The following KMT2C variants were observed in gnomAD, a reference collection of about 807,000 sequenced individuals.
KMT2C encodes histone-lysine N-methyltransferase 2C.
A neutral mutation model predicts 507.9 loss-of-function variants in KMT2C; 88 were observed. The observed-to-expected ratio is 0.17, with a 90% confidence interval of 0.15 to 0.21. The LOEUF is 0.21. Among genes scored for constraint, KMT2C ranks in the 10% least tolerant of loss-of-function variants. The pLI is 1.00. For synonymous variants in KMT2C, 2,049 were observed against 2,080.8 expected, an observed-to-expected ratio of 0.98 and a Z score of 0.42; for missense variants, 4,954 against 5,957.8, an observed-to-expected ratio of 0.83 and a Z score of 5.55.
At chr7:152,173,502 C>T (rs1563241379) in intron 39 of KMT2C, among the ~76,000 whole-genome samples, 1 of 152,176 alleles carries the variant, frequency 6.6e-6, no homozygotes, top group Non-Finnish European at 1.5e-5. Flanking sequence ...CCATAATTCT[C>T]ATGGTGGTCC....
chr7:152,376,592 A>G (rs868076473), intron 1 of KMT2C, among the ~76,000 whole-genome samples: 18 of 152,364 alleles, frequency 1.2e-4, no homozygotes, highest in Middle Eastern at 3.4e-3. Context: ...AGCCTAATCC[A>G]CAGCAAGGCT....
intron 40 of KMT2C, among the ~76,000 whole-genome samples, chr7:152,170,693 G>C (rs2092925347): frequency 6.6e-6 from 1 of 152,078 alleles, no homozygotes; most frequent in Non-Finnish European, 1.5e-5. Context: ...TGTAGAGACG[G>C]GGTTTCACTA....
chr7:152,164,153 CAAT>C (rs1402592674), intron 42 of KMT2C, among the ~76,000 whole-genome samples: 2 of 151,896 alleles, frequency 1.3e-5, no homozygotes, highest in African/African-American at 4.8e-5. Flanking sequence ...AAAAAATATA[CAAT>C]AAAAAAGGTT....
intron 2 of KMT2C, among the ~76,000 whole-genome samples, chr7:152,352,207 C>T (rs1216297388): frequency 6.6e-6 from 1 of 152,146 alleles, no homozygotes; most frequent in East Asian, 1.9e-4. Flanking sequence ...CCCAGTCTCC[C>T]GTAGCGCTCC....
Position 152,177,495 on chromosome 7 carries a change from A to G in KMT2C, c.7958T>C (p.Leu2653Pro), listed in dbSNP as rs61730547. 2,496 of 1,614,174 alleles carry G rather than the reference A, an allele frequency of 1.5e-3. 43 individuals carry two copies. In the African/African-American group the frequency reaches 0.029, roughly 19 times the overall value. The change falls in exon 38 of 59, where the codon CTA becomes CCA. Residue 2653 changes from leucine to proline, a missense_variant. Physicochemically the swap from Leu to Pro is moderately conservative, Grantham distance 98 (BLOSUM62 -3). Transcript: ENST00000262189. ...AGGAGCTTCTGAAAATTCACCACCT[A>G]GTGGATGGTTCAGAGTCCTCATGAC... ...SMVMRTLNHPLGGEFSEAPLS... is the reference protein window; with the variant it reads ...SMVMRTLNHPPGGEFSEAPLS...
At chr7:152,383,298 T>C (rs2097390784) in intron 1 of KMT2C, among the ~76,000 whole-genome samples, 3 of 152,230 alleles carry the variant, frequency 2.0e-5, no homozygotes, top group Non-Finnish European at 4.4e-5. Context: ...GGCCTATTTA[T>C]AGTTGAATGG....
chr7:152,374,091 T>A lies in KMT2C; in HGVS notation c.162-15416A>T, dbSNP rs74384025. ...ACTTTGGGAGGCCAAAGCGGGCAGATCACTTGAGGCCAGGAGTTCAAGACC... is the reference window on the plus strand; with the variant it reads ...ACTTTGGGAGGCCAAAGCGGGCAGAACACTTGAGGCCAGGAGTTCAAGACC... On this transcript the variant is annotated intron_variant, in intron 1 of 58. Coordinates refer to ENST00000262189, the MANE Select transcript of KMT2C (RefSeq NM_170606.3). 5.5e-4 allele frequency among the ~76,000 whole-genome samples: 83 copies of A among 152,008 alleles called. 2 individuals are homozygous for A. In the East Asian group the frequency reaches 0.016, roughly 29 times the overall value.
chr7:152,389,461 A>C (rs1184331893), intron 1 of KMT2C, among the ~76,000 whole-genome samples: 6 of 151,906 alleles, frequency 3.9e-5, no homozygotes, highest in South Asian at 2.1e-4. Flanking sequence ...ACACTATTTA[A>C]ATTTTCTAAT....
chr7:152,413,608 G>T (rs1334240025), intron 1 of KMT2C, among the ~76,000 whole-genome samples: 1 of 152,066 alleles, frequency 6.6e-6, no homozygotes. Context: ...AAACTGGCCG[G>T]GCATGGTGGC....
chr7:152,417,048 CAAAAAA>C (rs34690030), intron 1 of KMT2C, among the ~76,000 whole-genome samples: 2 of 67,346 alleles, frequency 3.0e-5, no homozygotes, highest in East Asian at 3.7e-4. Context: ...GACATCATCT[CAAAAAA>C]AAAAAAAAAA....
rs1236482051 is a variant in KMT2C at position 152,139,166 on chromosome 7, C to G, written c.14534+20G>C. 6.2e-7 allele frequency: 1 copy of G among 1,612,724 alleles called. No homozygotes were observed. Among genetic ancestry groups the G allele is most frequent in the South Asian group, 1.1e-5 (1 of 91,052 alleles). On this transcript the variant is annotated intron_variant, in intron 57 of 58. Transcript: ENST00000262189. ...CCCCACAAGCAAAAGCACTCCCCGT[C>G]AGGTTCCTCGCTGTCTCACCTTGCG...
At chr7:152,393,156 T>C (rs2097513209) in intron 1 of KMT2C, among the ~76,000 whole-genome samples, 1 of 152,162 alleles carries the variant, frequency 6.6e-6, no homozygotes, top group Non-Finnish European at 1.5e-5. Flanking sequence ...TCACACATGA[T>C]AGTTTTATAA....
At position 152,311,897 on chromosome 7, in the gene KMT2C, G is replaced by C; in HGVS notation, c.640C>G (p.Gln214Glu). 6.2e-7 allele frequency: 1 copy of C among 1,610,524 alleles called. No homozygotes were observed. Residue 214 changes from glutamine (Q) to glutamate (E), a missense_variant, in exon 5 of 59, where the codon CAG (glutamine) becomes GAG (glutamate). This residue lies in a region of KMT2C where 233 missense variants were observed against 263.6 expected (regional missense o/e 0.88). Transcript: ENST00000262189. Reference sequence around the variant, plus strand: ...CCAGCTTGATCATCTGAAGCTGTCTGGGTGCTTACACTTACACAAGATACT... The same window carrying C: ...CCAGCTTGATCATCTGAAGCTGTCTCGGTGCTTACACTTACACAAGATACT... Reference protein sequence around the residue: ...NIVSCVSVSTQTASDDQAGKL... With the variant: ...NIVSCVSVSTETASDDQAGKL...
chr7:152,301,956 A>T (rs1183653354), intron 6 of KMT2C, among the ~76,000 whole-genome samples: 1 of 152,218 alleles, frequency 6.6e-6, no homozygotes, highest in Admixed American at 6.5e-5. Flanking sequence ...AATTACATTT[A>T]GAAGTTTAAA....
intron 16 of KMT2C, among the ~76,000 whole-genome samples, chr7:152,231,353 A>C (rs528060414): frequency 2.0e-4 from 31 of 152,244 alleles, no homozygotes; most frequent in Non-Finnish European, 4.3e-4. Flanking sequence ...GCATTGCCAA[A>C]ATCATAAAAT....
chr7:152,183,648 G>A (rs1043371563), intron 34 of KMT2C, among the ~76,000 whole-genome samples: 18 of 152,146 alleles, frequency 1.2e-4, no homozygotes, highest in African/African-American at 4.3e-4. Flanking sequence ...TGTAATCCCA[G>A]TACTTTGGGA....
chr7:152,205,239 A>G lies in KMT2C; in HGVS notation c.3842-14T>C. The G allele has an allele frequency of 3.1e-6, 5 of 1,609,078 alleles. No individual in the cohort carries two copies. The highest frequency in any genetic ancestry group is 4.2e-6 in the Non-Finnish European group (5 of 1,177,422). Reference sequence around the variant, plus strand: ...ATCCACCAATACCTATCCAAAAAAGAAATTAGGTAAACTGATAAGTAATTT... The same window carrying G: ...ATCCACCAATACCTATCCAAAAAAGGAATTAGGTAAACTGATAAGTAATTT... On this transcript the variant is annotated splice_polypyrimidine_tract_variant and intron_variant, in intron 24 of 58. Coordinates refer to ENST00000262189, the MANE Select transcript of KMT2C (RefSeq NM_170606.3).
At chr7:152,242,277 CTT>C (rs2095401261) in intron 14 of KMT2C, among the ~76,000 whole-genome samples, 1 of 152,058 alleles carries the variant, frequency 6.6e-6, no homozygotes, top group South Asian at 2.1e-4. Flanking sequence ...CATCTATTAT[CTT>C]TTTTTGCATA....
chr7:152,136,960 G>T lies in KMT2C; in HGVS notation c.14644-36C>A, dbSNP rs760061529. On this transcript the variant is annotated intron_variant, in intron 58 of 58. Transcript: ENST00000262189. ...CAAAGACACAGGGTAAGAAAGGACAGCAAGGAAGGCAATAGCGTTTCTGCC... is the reference window on the plus strand; with the variant it reads ...CAAAGACACAGGGTAAGAAAGGACATCAAGGAAGGCAATAGCGTTTCTGCC... The T allele has an allele frequency of 5.4e-6, 8 of 1,490,212 alleles. No individual in the cohort carries two copies. The Admixed American group carries it at 1.3e-4, about 25-fold the overall frequency. 92.3% of individuals were successfully genotyped at this position (1,490,212 alleles called of 1,614,324 possible).
Sources: allele counts gnomAD v4.1 joint callset (sites outside exome capture counted in the v4.1 genomes callset), GRCh38; gene constraint gnomAD v4.1.1; regional missense constraint gnomAD v4.1.1; transcripts MANE v1.5; gene names NCBI Gene and HGNC (gene_info 2026-07-23, HGNC 2026-07-21).